The following DCPS variants were observed in gnomAD, a reference collection of about 807,000 sequenced individuals.
DCPS encodes the protein decapping enzyme, scavenger, also known as m7GpppX diphosphatase.
DCPS carries 27 observed loss-of-function variants against 34.7 expected under a neutral mutation model. The observed-to-expected ratio is 0.78, with a 90% CI of 0.57 to 1.07. DCPS has a LOEUF of 1.07. DCPS is among the 50% of genes least tolerant of loss of function. DCPS has a pLI of 0.00. For synonymous variants in DCPS, 185 were observed against 185.7 expected (o/e 1.00, Z 0.03); for missense variants, 464 against 436.9 (o/e 1.06, Z -0.55).
chr11:126,318,092 G>A (rs894428481), intron 2 of DCPS, among the ~76,000 whole-genome samples: 3 of 152,192 alleles, frequency 2.0e-5, no homozygotes, highest in Non-Finnish European at 4.4e-5. Context: ...GCGAGAGGGA[G>A]GGAAGGAGCT....
At position 126,319,644 on chromosome 11, in the gene DCPS, C is replaced by T. The variant is rs983400190; in HGVS notation, c.377-11761C>T. 5.3e-5 allele frequency among the ~76,000 whole-genome samples: 8 copies of T among 152,142 alleles called. No homozygotes were observed. The highest frequency in any genetic ancestry group is 7.3e-5 in the Non-Finnish European group (5 of 68,032). ...GGCACCTCATTTTGCCCTCTGGTTT[C>T]GCTGACAGCTGTTTACGTGTCTCTA... On this transcript the variant is annotated intron_variant, in intron 2 of 5. Coordinates refer to ENST00000263579, the MANE Select transcript of DCPS (RefSeq NM_014026.6). The surrounding 1 kb of genome is among the most constrained non-coding windows in gnomAD (Gnocchi z 4.5).
intron 1 of DCPS, 58 bp from the exon 2 acceptor site, chr11:126,306,512 C>T: frequency 1.3e-6 from 2 of 1,490,030 alleles, no homozygotes; most frequent in Non-Finnish European, 1.8e-6. Flanking sequence ...CTGTCTTGCT[C>T]TCCAGAGTCT....
In DCPS at chr11:126,347,255, G is replaced by A. The variant is rs184536591; in HGVS notation, c.*1642G>A. Among the ~76,000 whole-genome samples the A allele has an allele frequency of 3.3e-3, 427 of 128,072 alleles. 1 individual carries two copies. Among genetic ancestry groups the A allele is most frequent in the African/African-American group, 0.012 (388 of 33,330 alleles). The allele number at this position is 128,072 out of a possible 152,430, so 84.0% of individuals were successfully genotyped here. On this transcript the variant is annotated 3_prime_UTR_variant, in exon 6 of 6. Coordinates refer to ENST00000263579, the MANE Select transcript of DCPS (RefSeq NM_014026.6). The surrounding 1 kb of genome is among the most constrained non-coding windows in gnomAD (Gnocchi z 4.2). ...TTTTTTTTTTTTTTGAGACAATCTC[G>A]CTCCATCACCCAGGCTGGAGTGCAG...
chr11:126,331,686 C>T lies in DCPS; in HGVS notation c.522+136C>T, dbSNP rs150962830. 3.3e-5 allele frequency: 36 copies of T among 1,093,924 alleles called. No individual in the cohort carries two copies. Among genetic ancestry groups the T allele is most frequent in the African/African-American group, 4.7e-5 (3 of 63,180 alleles). The allele number at this position is 1,093,924 out of a possible 1,614,324, so 67.8% of individuals were successfully genotyped here. On this transcript the variant is annotated intron_variant, in intron 3 of 5. Coordinates refer to ENST00000263579, the MANE Select transcript of DCPS (RefSeq NM_014026.6). This position sits in a 1 kb window ranked among gnomAD's most constrained non-coding sequence, Gnocchi z 7.2. ...GATGGGGGTACAGTAGAGAGCATGG[C>T]GGACAGAATCCCCACCTCGTGCAGC...
chr11:126,347,413 G>A lies in DCPS; in HGVS notation c.*1800G>A, dbSNP rs541624155. 7.9e-5 allele frequency among the ~76,000 whole-genome samples: 12 copies of A among 152,066 alleles called. No individual in the cohort carries two copies. In the South Asian group the frequency reaches 1.9e-3, roughly 24 times the overall value. On this transcript the variant is annotated 3_prime_UTR_variant, in exon 6 of 6. Transcript: ENST00000263579. The surrounding 1 kb of genome is among the most constrained non-coding windows in gnomAD (Gnocchi z 4.2). ...TAATTTTTGTATTTTTAGTAGAGAC[G>A]GGGTTTCACCATGTTGGCCAGGCTG...
At chr11:126,307,017 T>C (rs1013746797) in intron 2 of DCPS, among the ~76,000 whole-genome samples, 3 of 151,854 alleles carry the variant, frequency 2.0e-5, no homozygotes, top group African/African-American at 4.8e-5. Flanking sequence ...CACAGCAAAG[T>C]AATGTCAATA....
chr11:126,308,858 C>T (rs1473005702), intron 2 of DCPS, among the ~76,000 whole-genome samples: 9 of 151,942 alleles, frequency 5.9e-5, no homozygotes, highest in African/African-American at 1.7e-4. Context: ...AGTCCCTGCT[C>T]GCCCTTTCTG....
intron 1 of DCPS, 148 bp from the exon 2 acceptor site, chr11:126,306,422 C>A: frequency 1.3e-6 from 1 of 750,956 alleles, no homozygotes; most frequent in Non-Finnish European, 2.0e-6. Flanking sequence ...AATGTGAGTG[C>A]CATTGGCTAG....
In DCPS at chr11:126,345,490, G is replaced by A. The variant is rs753493496; in HGVS notation, c.891G>A (p.Leu297=). The A allele has an allele frequency of 2.5e-5, 40 of 1,614,020 alleles. No individual in the cohort carries two copies. In the East Asian group the frequency reaches 8.5e-4, roughly 34 times the overall value. The change falls in exon 6 of 6, where the codon CTG becomes CTA. Residue 297 remains leucine, a synonymous_variant. Transcript: ENST00000263579. This position sits in a 1 kb window ranked among gnomAD's most constrained non-coding sequence, Gnocchi z 7.4. ...APGSGVERAH[L]LAEVIENLEC... The stretch of plus-strand genomic sequence containing the variant: ...GCTCAGGCGTGGAGCGGGCCCACCT[G>A]CTGGCTGAGGTGATCGAGAACTTGG...
At chr11:126,314,602 A>G (rs1257594021) in intron 2 of DCPS, among the ~76,000 whole-genome samples, 1 of 152,162 alleles carries the variant, frequency 6.6e-6, no homozygotes, top group Non-Finnish European at 1.5e-5. Context: ...ATGTCCATCA[A>G]TCAACAAGTG....
rs1591379855 is a variant in DCPS, at chr11:126,306,762, AG to A, written c.376+21del. 1 of 1,584,884 alleles carries A rather than the reference AG, an allele frequency of 6.3e-7. No individual in the cohort carries two copies. The highest frequency in any genetic ancestry group is 8.6e-7 in the Non-Finnish European group (1 of 1,156,600). On this transcript the variant is annotated intron_variant, in intron 2 of 5. Coordinates refer to ENST00000263579, the MANE Select transcript of DCPS (RefSeq NM_014026.6). Reference sequence around the variant, plus strand: ...ACTGAATGGTGAGCAAGAGGTGGCCAGGGTGGCTGTATGGAGGGAGAATGGG... The same window carrying A: ...ACTGAATGGTGAGCAAGAGGTGGCCAGGTGGCTGTATGGAGGGAGAATGGG...
At chr11:126,330,216 A>G (rs1376019668) in intron 2 of DCPS, among the ~76,000 whole-genome samples, 1 of 151,992 alleles carries the variant, frequency 6.6e-6, no homozygotes, top group African/African-American at 2.4e-5. Context: ...CAATGTCTGG[A>G]GACATTTTGG....
Position 126,338,079 on chromosome 11 carries a change from A to G in DCPS, c.523-207A>G. 1.7e-6 allele frequency: 1 copy of G among 576,426 alleles called. No individual in the cohort carries two copies. Among genetic ancestry groups the G allele is most frequent in the Admixed American group, 3.0e-5 (1 of 33,008 alleles). 35.7% of individuals were successfully genotyped at this position (576,426 alleles called of 1,614,324 possible). A position where few individuals can be genotyped will look rare whatever the true frequency, so the allele number is the denominator to read the frequency against. On this transcript the variant is annotated intron_variant, in intron 3 of 5. Coordinates refer to ENST00000263579, the MANE Select transcript of DCPS (RefSeq NM_014026.6). This position sits in a 1 kb window ranked among gnomAD's most constrained non-coding sequence, Gnocchi z 5.4. ...TGACGCATGGCTGAGTGCCAGCTGGAGTGGGAAGGGGGAAGTCCCTTCTGG... is the reference window on the plus strand; with the variant it reads ...TGACGCATGGCTGAGTGCCAGCTGGGGTGGGAAGGGGGAAGTCCCTTCTGG...
intron 2 of DCPS, among the ~76,000 whole-genome samples, chr11:126,318,328 T>C (rs915692519): frequency 6.6e-6 from 1 of 152,196 alleles, no homozygotes; most frequent in Non-Finnish European, 1.5e-5. Context: ...GCACTTTCAG[T>C]ATTTCTGTAA....
In DCPS at chr11:126,333,418, A is replaced by G. The variant is rs1325603833; in HGVS notation, c.522+1868A>G. 6.6e-6 allele frequency among the ~76,000 whole-genome samples: 1 copy of G among 152,216 alleles called. No individual in the cohort carries two copies. Among genetic ancestry groups the G allele is most frequent in the Non-Finnish European group, 1.5e-5 (1 of 68,030 alleles). ...TGTAACAGGGAAGATAGACTTGTAA[A>G]CGGGCAATTGTGACAATGGGATAAG... On this transcript the variant is annotated intron_variant, in intron 3 of 5. Transcript: ENST00000263579. This position sits in a 1 kb window ranked among gnomAD's most constrained non-coding sequence, Gnocchi z 5.7.
intron 2 of DCPS, among the ~76,000 whole-genome samples, chr11:126,317,339 T>C (rs1951670504): frequency 6.6e-6 from 1 of 152,196 alleles, no homozygotes; most frequent in African/African-American, 2.4e-5. Context: ...AATTTGACAG[T>C]CATATTTTAA....
At chr11:126,308,750 A>G (rs1423293030) in intron 2 of DCPS, among the ~76,000 whole-genome samples, 1 of 150,258 alleles carries the variant, frequency 6.7e-6, no homozygotes, top group Non-Finnish European at 1.5e-5. Context: ...CTTGGCCAAA[A>G]TTCAGAAGGT....
At position 126,349,687 on chromosome 11, in the gene DCPS, T is replaced by C. The variant is rs1951973721; in HGVS notation, c.*4074T>C. On this transcript the variant is annotated 3_prime_UTR_variant, in exon 6 of 6. Transcript: ENST00000263579. This position sits in a 1 kb window ranked among gnomAD's most constrained non-coding sequence, Gnocchi z 5.4. ...CATTTGAATATATTTATTTTATTGA[T>C]GTAGGTCTGCCAACTCTTCCTTCTC... Among the ~76,000 whole-genome samples, 1 of 152,256 alleles carries C rather than the reference T, an allele frequency of 6.6e-6. No individual in the cohort carries two copies. The highest frequency in any genetic ancestry group is 2.1e-4 in the South Asian group (1 of 4,836).
At chr11:126,321,780 C>T (rs913809541) in intron 2 of DCPS, among the ~76,000 whole-genome samples, 3 of 151,956 alleles carry the variant, frequency 2.0e-5, no homozygotes, top group Admixed American at 6.6e-5. Flanking sequence ...AATTATGCTG[C>T]TATATTGAAT....
Sources: allele counts gnomAD v4.1 joint callset (sites outside exome capture counted in the v4.1 genomes callset), GRCh38; gene constraint gnomAD v4.1.1; non-coding constraint Gnocchi (gnomAD v3.1); transcripts MANE v1.5; gene names NCBI Gene and HGNC (gene_info 2026-07-23, HGNC 2026-07-21).